The following PXDNL variants were observed in gnomAD, a reference collection of about 807,000 sequenced individuals.
PXDNL encodes the protein probable oxidoreductase PXDNL.
PXDNL carries 145 observed loss-of-function variants against 150.8 expected under a neutral mutation model. The observed-to-expected ratio is 0.96, with a 90% CI of 0.84 to 1.10. The LOEUF (loss-of-function observed/expected upper bound fraction) is 1.10, where lower values mean the gene tolerates loss of function less well. PXDNL is among the 50% of genes least tolerant of loss of function. The pLI is 0.00. For missense variants in PXDNL, 2,087 were observed against 1,873.9 expected, an observed-to-expected ratio of 1.11 and a Z score of -2.10; for synonymous variants, 757 against 725.7, an observed-to-expected ratio of 1.04 and a Z score of -0.69.
At chr8:51,482,972 A>G (rs1242464710) in intron 6 of PXDNL, among the ~76,000 whole-genome samples, 4 of 152,166 alleles carry the variant, frequency 2.6e-5, no homozygotes, top group Non-Finnish European at 4.4e-5. Flanking sequence ...GCAGGCATCT[A>G]TCTTTTTCTG....
At chr8:51,563,962 T>G (rs895582170) in intron 3 of PXDNL, among the ~76,000 whole-genome samples, 1 of 152,016 alleles carries the variant, frequency 6.6e-6, no homozygotes, top group Admixed American at 6.6e-5. Flanking sequence ...TAAATCTAGT[T>G]GTTAATTCAA....
At chr8:51,748,318 T>G (rs2037008308) in intron 1 of PXDNL, among the ~76,000 whole-genome samples, 1 of 152,196 alleles carries the variant, frequency 6.6e-6, no homozygotes, top group South Asian at 2.1e-4. Flanking sequence ...TTCGATTTCT[T>G]TCTTTTAGTG....
At chr8:51,601,935 A>G (rs1472620603) in intron 2 of PXDNL, among the ~76,000 whole-genome samples, 1 of 152,034 alleles carries the variant, frequency 6.6e-6, no homozygotes, top group South Asian at 2.1e-4. Context: ...AAGTTCCCTT[A>G]GCACTTGCTT....
rs111520724 is a variant in PXDNL, at chr8:51,696,725, C to CCACA, written c.165-41969_165-41966dup. ...CATCCACACACAGGTTCACACACATCCACACACAGGTCCACACACATACCC... is the reference window on the plus strand; with the variant it reads ...CATCCACACACAGGTTCACACACATCCACACACACACAGGTCCACACACATACCC... On this transcript the variant is annotated intron_variant, in intron 1 of 22. Coordinates refer to ENST00000356297, the MANE Select transcript of PXDNL (RefSeq NM_144651.5). Among the ~76,000 whole-genome samples the CCACA allele has an allele frequency of 1.4e-4, 17 of 125,046 alleles. 1 individual carries two copies. Among genetic ancestry groups the CCACA allele is most frequent in the African/African-American group, 2.2e-4 (7 of 31,624 alleles). 82.0% of individuals were successfully genotyped at this position (125,046 alleles called of 152,430 possible). A position where few individuals can be genotyped will look rare whatever the true frequency, so the allele number is the denominator to read the frequency against.
At chr8:51,433,750 C>T (rs1342108822) in intron 12 of PXDNL, among the ~76,000 whole-genome samples, 2 of 152,066 alleles carry the variant, frequency 1.3e-5, no homozygotes, top group Admixed American at 6.5e-5. Context: ...TTTATACTTA[C>T]GAGCCTGAAA....
intron 1 of PXDNL, among the ~76,000 whole-genome samples, chr8:51,801,857 T>C (rs1180819995): frequency 6.6e-6 from 1 of 152,228 alleles, no homozygotes; most frequent in Non-Finnish European, 1.5e-5. Flanking sequence ...TTAGTTGAAC[T>C]GGTAAGCTGT....
chr8:51,359,655 T>C (rs954962225), intron 19 of PXDNL, among the ~76,000 whole-genome samples: 1 of 152,192 alleles, frequency 6.6e-6, no homozygotes, highest in Non-Finnish European at 1.5e-5. Flanking sequence ...TGCAAATCTA[T>C]GAATTGAAAT....
chr8:51,370,045 C>T (rs531706037), intron 19 of PXDNL, among the ~76,000 whole-genome samples: 1 of 152,168 alleles, frequency 6.6e-6, no homozygotes, highest in Non-Finnish European at 1.5e-5. Context: ...GCGGTGCGCA[C>T]AGAGGAAAGA....
chr8:51,336,928 T>C (rs1339572235), intron 21 of PXDNL, among the ~76,000 whole-genome samples: 1 of 152,160 alleles, frequency 6.6e-6, no homozygotes, highest in Admixed American at 6.5e-5. Flanking sequence ...TCACACACCT[T>C]AGATTATGGA....
intron 4 of PXDNL, among the ~76,000 whole-genome samples, chr8:51,551,422 T>C (rs1563460981): frequency 6.6e-6 from 1 of 152,064 alleles, no homozygotes; most frequent in Non-Finnish European, 1.5e-5. Flanking sequence ...GACTATAAAC[T>C]ATACTACAAG....
intron 2 of PXDNL, among the ~76,000 whole-genome samples, chr8:51,647,604 G>C (rs1814946513): frequency 6.6e-6 from 1 of 152,208 alleles, no homozygotes; most frequent in Admixed American, 6.5e-5. Context: ...GGTAGTATAT[G>C]AGGGGCAGTA....
chr8:51,450,798 G>A (rs1422665149), intron 10 of PXDNL, among the ~76,000 whole-genome samples: 1 of 152,124 alleles, frequency 6.6e-6, no homozygotes, highest in Admixed American at 6.5e-5. Flanking sequence ...TCACTGCACA[G>A]ATGAGAAAAT....
At chr8:51,519,618 T>G (rs1811616774) in intron 4 of PXDNL, among the ~76,000 whole-genome samples, 1 of 152,002 alleles carries the variant, frequency 6.6e-6, no homozygotes, top group African/African-American at 2.4e-5. Flanking sequence ...TTGCTTATCA[T>G]ATGGAAGGGC....
At chr8:51,487,648 C>A (rs1360380538) in intron 5 of PXDNL, among the ~76,000 whole-genome samples, 2 of 152,132 alleles carry the variant, frequency 1.3e-5, no homozygotes, top group Non-Finnish European at 1.5e-5. Context: ...TGCTTGGATT[C>A]TTTTGCTTGG....
At chr8:51,655,518 G>A (rs748428376) in intron 1 of PXDNL, among the ~76,000 whole-genome samples, 1 of 152,168 alleles carries the variant, frequency 6.6e-6, no homozygotes, top group Non-Finnish European at 1.5e-5. Context: ...ATGCACACTT[G>A]GAAGACTTAG....
chr8:51,576,887 T>A (rs1395143680), intron 3 of PXDNL, among the ~76,000 whole-genome samples: 3 of 151,824 alleles, frequency 2.0e-5, no homozygotes, highest in African/African-American at 7.2e-5. Context: ...ACATATATAT[T>A]TGACAAATTA....
rs375721225 is a variant in PXDNL, at chr8:51,423,663, G to A, written c.1707C>T (p.Asp569=). Residue 569 remains aspartate, a synonymous_variant, in exon 14 of 23, where the codon GAC becomes GAT. Transcript: ENST00000356297. ...VDDEGTLTIY[D]AGFPDQGRYE... ...ATCTTCCCTGGTCAGGGAACCCTGCGTCGTAGATAGTCAGCGTGCCTTCAT... is the reference window on the plus strand; with the variant it reads ...ATCTTCCCTGGTCAGGGAACCCTGCATCGTAGATAGTCAGCGTGCCTTCAT... The A allele has an allele frequency of 6.6e-5, 107 of 1,613,764 alleles. No individual in the cohort carries two copies. The highest frequency in any genetic ancestry group is 1.6e-4 in the East Asian group (7 of 44,858).
At position 51,647,870 on chromosome 8, in the gene PXDNL, A is replaced by G. The variant is rs116090660; in HGVS notation, c.236+6819T>C. ...TTATTATTAGAATTTATAATTAGAC[A>G]CAGAGAAGGGACTCAACAATATTAG... On this transcript the variant is annotated intron_variant, in intron 2 of 22. Transcript: ENST00000356297. Among the ~76,000 whole-genome samples, 992 of 152,302 alleles carry G rather than the reference A, an allele frequency of 6.5e-3. 9 individuals are homozygous for G. Among genetic ancestry groups the G allele is most frequent in the African/African-American group, 0.023 (947 of 41,576 alleles).
At chr8:51,347,262 T>C (rs1399230281) in intron 19 of PXDNL, among the ~76,000 whole-genome samples, 3 of 152,188 alleles carry the variant, frequency 2.0e-5, no homozygotes, top group Non-Finnish European at 4.4e-5. Flanking sequence ...CCTTATCATA[T>C]GTAAATTAAA....
Sources: allele counts gnomAD v4.1 joint callset (sites outside exome capture counted in the v4.1 genomes callset), GRCh38; gene constraint gnomAD v4.1.1; transcripts MANE v1.5; gene names NCBI Gene and HGNC (gene_info 2026-07-23, HGNC 2026-07-21).